TEX29: variants seen among roughly 807,000 people sequenced by gnomAD.
The protein encoded by TEX29 is testis expressed 29, also known as testis-expressed protein 29.
A neutral mutation model predicts 18.2 loss-of-function variants in TEX29; 26 were observed. The observed-to-expected ratio is 1.43, with a 90% CI of 1.04 to 1.98. The LOEUF is 1.98. TEX29 is among the 30% of genes most tolerant of loss of function. TEX29 has a pLI of 0.00. For missense variants in TEX29, 177 were observed against 194.2 expected, an observed-to-expected ratio of 0.91 and a Z score of 0.53; for synonymous variants, 83 against 78.5, an observed-to-expected ratio of 1.06 and a Z score of -0.31.
intron 3 of TEX29, among the ~76,000 whole-genome samples, chr13:111,331,548 ATTT>A (rs2093682828): frequency 6.6e-6 from 1 of 152,024 alleles, no homozygotes; most frequent in Non-Finnish European, 1.5e-5. Flanking sequence ...AAGCACAAAT[ATTT>A]TTAATTTTTA....
rs1403870400 is a variant in TEX29 at position 111,328,266 on chromosome 13, GGCGTCTGCTACAAGAAA to G, written c.146_162del (p.Val49GlyfsTer79). On this transcript the variant is annotated frameshift_variant, in exon 3 of 6. Coordinates refer to ENST00000283547, the MANE Select transcript of TEX29 (RefSeq NM_152324.3). LOFTEE classifies it high-confidence loss of function. Reference sequence around the variant, plus strand: ...GGAGCTCGGGTGCTGCTTCTACGAAGGCGTCTGCTACAAGAAAGCGGTTCCCAGTGAGTAGACGCCCC... The same window carrying G: ...GGAGCTCGGGTGCTGCTTCTACGAAGGCGGTTCCCAGTGAGTAGACGCCCC... 1 of 1,613,850 alleles carries G rather than the reference GGCGTCTGCTACAAGAAA, an allele frequency of 6.2e-7. No individual in the cohort carries two copies. The highest frequency in any genetic ancestry group is 1.1e-5 in the South Asian group (1 of 91,058).
intron 3 of TEX29, 65 bp from the exon 4 acceptor site, chr13:111,339,798 T>A: frequency 6.4e-7 from 1 of 1,556,516 alleles, no homozygotes; most frequent in Non-Finnish European, 8.9e-7. Flanking sequence ...GGGTTGCCTT[T>A]TCTTCATCTT....
chr13:111,322,470 GCTGCTGCTGCTGGGCCTGGCCA>G, intron 2 of TEX29, among the ~76,000 whole-genome samples: 1 of 152,252 alleles, frequency 6.6e-6, no homozygotes, highest in Non-Finnish European at 1.5e-5. Context: ...GTGTGTACAA[GCTGCTGCTGCTGGGCCTGGCCA>G]CCCCGTCTGT....
chr13:111,323,462 TAAATA>T (rs2093668026), intron 2 of TEX29, among the ~76,000 whole-genome samples: 2 of 152,210 alleles, frequency 1.3e-5, no homozygotes, highest in Non-Finnish European at 2.9e-5. Context: ...ATTCTCTCCC[TAAATA>T]AAATAGTTTC....
chr13:111,335,130 A>C (rs1366453599), intron 3 of TEX29, among the ~76,000 whole-genome samples: 1 of 152,184 alleles, frequency 6.6e-6, no homozygotes, highest in East Asian at 1.9e-4. Flanking sequence ...TTTATGGAGG[A>C]AGAAATTGGC....
chr13:111,329,356 C>A (rs567323214), intron 3 of TEX29, among the ~76,000 whole-genome samples: 1 of 151,952 alleles, frequency 6.6e-6, no homozygotes, highest in African/African-American at 2.4e-5. Flanking sequence ...TTTCTCCACC[C>A]CCACCACCCC....
intron 3 of TEX29, among the ~76,000 whole-genome samples, chr13:111,333,762 C>T (rs192368413): frequency 4.6e-5 from 7 of 151,966 alleles, no homozygotes; most frequent in African/African-American, 7.3e-5. Context: ...ACATGTCTTA[C>T]GTGGCAGCAA....
chr13:111,325,892 A>C (rs1397923983), intron 2 of TEX29, among the ~76,000 whole-genome samples: 1 of 152,276 alleles, frequency 6.6e-6, no homozygotes, highest in East Asian at 1.9e-4. Context: ...TTTCCTGCCC[A>C]GTCTGTTTGC....
chr13:111,319,780 A>C (rs1217117982), upstream of TEX29, among the ~76,000 whole-genome samples: 4 of 152,188 alleles, frequency 2.6e-5, no homozygotes, highest in East Asian at 1.9e-4. Context: ...GGTGCGCACC[A>C]TTATGCAAGG....
At chr13:111,342,557 CAAAAAAAAA>C (rs34305274) in intron 4 of TEX29, among the ~76,000 whole-genome samples, 190 bp from the exon 5 acceptor site, 1 of 75,320 alleles carries the variant, frequency 1.3e-5, no homozygotes, top group Admixed American at 1.6e-4. Context: ...AAAACTGTCT[CAAAAAAAAA>C]AAAAAAAAAA....
intron 4 of TEX29, among the ~76,000 whole-genome samples, chr13:111,342,551 CTG>C (rs2093698146): frequency 1.3e-5 from 1 of 75,452 alleles, no homozygotes; most frequent in African/African-American, 7.1e-5. Context: ...CAGATCAAAA[CTG>C]TCTCAAAAAA....
In TEX29 at chr13:111,328,165, A is replaced by G; in HGVS notation, c.59-18A>G. The stretch of plus-strand genomic sequence containing the variant: ...TTGTTTTCGGGGGTGACACTTGTGT[A>G]TGTCTGTGCTTTTGCAGTGTGTGAC... On this transcript the variant is annotated intron_variant, in intron 2 of 5. Transcript: ENST00000283547. 6.5e-7 allele frequency: 1 copy of G among 1,538,964 alleles called. No individual in the cohort carries two copies. Among genetic ancestry groups the G allele is most frequent in the East Asian group, 2.3e-5 (1 of 44,242 alleles).
chr13:111,319,058 C>T (rs921669421), upstream of TEX29, among the ~76,000 whole-genome samples: 9 of 152,114 alleles, frequency 5.9e-5, no homozygotes, highest in Admixed American at 2.0e-4. Context: ...AATGGGGGCA[C>T]GATTCCCATT....
upstream of TEX29, among the ~76,000 whole-genome samples, chr13:111,317,449 G>A (rs2093656402): frequency 6.6e-6 from 1 of 152,168 alleles, no homozygotes; most frequent in African/African-American, 2.4e-5. Context: ...TCAGGGTGGG[G>A]GCCACAGGCT....
chr13:111,343,932 T>C (rs762022315), intron 5 of TEX29, 151 bp from the exon 6 acceptor site: 1 of 681,086 alleles, frequency 1.5e-6, no homozygotes, highest in Non-Finnish European at 2.7e-6. Flanking sequence ...ATGAGAAACA[T>C]AGGAGGATAC....
chr13:111,323,682 T>C (rs543598341), intron 2 of TEX29, among the ~76,000 whole-genome samples: 85 of 150,356 alleles, frequency 5.7e-4, no homozygotes, highest in African/African-American at 1.9e-3. Flanking sequence ...GGTTCACACG[T>C]GCTCCAGGCA....
At chr13:111,323,889 G>A (rs1178926515) in intron 2 of TEX29, among the ~76,000 whole-genome samples, 1 of 152,166 alleles carries the variant, frequency 6.6e-6, no homozygotes, top group Non-Finnish European at 1.5e-5. Context: ...CTCTCCTTCC[G>A]TGTTCTGATG....
At chr13:111,340,195 G>C (rs952933409) in intron 4 of TEX29, among the ~76,000 whole-genome samples, 2 of 143,120 alleles carry the variant, frequency 1.4e-5, no homozygotes. Context: ...CATGTTTAGT[G>C]AGCACCTGTG....
In TEX29 at chr13:111,320,645, G is replaced by A; in HGVS notation, c.-152G>A. 2 of 579,890 alleles carry A rather than the reference G, an allele frequency of 3.4e-6. No individual in the cohort carries two copies. The highest frequency in any genetic ancestry group is 2.9e-5 in the Admixed American group (1 of 34,098). 35.9% of individuals were successfully genotyped at this position (579,890 alleles called of 1,614,324 possible). The stretch of plus-strand genomic sequence containing the variant: ...GCCCAGCCTGGTCCCACAGTCCATA[G>A]TGAGCGGCAGACAGAGGGGTGGCCA... On this transcript the variant is annotated 5_prime_UTR_variant, in exon 1 of 6. The change creates a new upstream start codon in the 5' untranslated region. Transcript: ENST00000283547.
Sources: gnomAD v4.1 joint callset for allele counts (sites outside exome capture counted in the v4.1 genomes callset) on GRCh38, gnomAD v4.1.1 for gene constraint, MANE v1.5 for transcripts, NCBI Gene and HGNC (gene_info 2026-07-23, HGNC 2026-07-21) for gene names.